The following SENP6 variants were observed in gnomAD, a reference collection of about 807,000 sequenced individuals.
The protein encoded by SENP6 is SUMO specific peptidase 6.
A neutral mutation model predicts 134.5 loss-of-function variants in SENP6; 41 were observed. That is an observed-to-expected ratio of 0.30 (90% CI 0.24 to 0.40). The LOEUF is 0.40. Among genes scored for constraint, SENP6 ranks in the 10% least tolerant of loss-of-function variants. SENP6 has a pLI of 1.00. For synonymous variants in SENP6, 395 were observed against 429.8 expected, an observed-to-expected ratio of 0.92 and a Z score of 1.00; for missense variants, 1,248 against 1,312.5, an observed-to-expected ratio of 0.95 and a Z score of 0.76.
At chr6:75,643,883 T>A (rs948663353) in intron 6 of SENP6, among the ~76,000 whole-genome samples, 1 of 152,032 alleles carries the variant, frequency 6.6e-6, no homozygotes, top group Non-Finnish European at 1.5e-5. Flanking sequence ...TTTATAATAA[T>A]GGAAAAATTA....
intron 19 of SENP6, 63 bp from the exon 20 acceptor site, chr6:75,709,464 C>T (rs920402379): frequency 9.2e-7 from 1 of 1,085,390 alleles, no homozygotes; most frequent in African/African-American, 1.6e-5. Flanking sequence ...TTAATTTCAG[C>T]CTCATATACT....
intron 13 of SENP6, 77 bp from the exon 14 acceptor site, chr6:75,676,953 T>A: frequency 1.4e-6 from 1 of 726,006 alleles, no homozygotes; most frequent in African/African-American, 1.8e-5. Flanking sequence ...CTGGAAAGAA[T>A]TAATAATTAC....
intron 18 of SENP6, chr6:75,697,751 C>T (rs1774753831): frequency 2.6e-6 from 1 of 383,978 alleles, no homozygotes; most frequent in Admixed American, 4.1e-5. Flanking sequence ...TCATTTTATT[C>T]ATTAATGTCA....
intron 8 of SENP6, among the ~76,000 whole-genome samples, chr6:75,662,711 T>C (rs1771881612): frequency 6.6e-6 from 1 of 152,210 alleles, no homozygotes; most frequent in African/African-American, 2.4e-5. Flanking sequence ...AACATACTTC[T>C]GTTCATATTT....
intron 1 of SENP6, among the ~76,000 whole-genome samples, chr6:75,606,802 A>T (rs1767063246): frequency 6.6e-6 from 1 of 152,192 alleles, no homozygotes; most frequent in South Asian, 2.1e-4. Flanking sequence ...AAAATCTGAA[A>T]TCTGAAACAT....
intron 18 of SENP6, among the ~76,000 whole-genome samples, chr6:75,701,993 G>A (rs1288614776): frequency 6.6e-6 from 1 of 151,984 alleles, no homozygotes; most frequent in East Asian, 1.9e-4. Context: ...TAAAGAGAAG[G>A]CAAAGGGGAA....
At position 75,695,256 on chromosome 6, in the gene SENP6, C is replaced by G. The variant is rs943585846; in HGVS notation, c.2076-548C>G. 2.6e-5 allele frequency among the ~76,000 whole-genome samples: 4 copies of G among 152,290 alleles called. No individual in the cohort carries two copies. The East Asian group carries it at 7.7e-4, about 29-fold the overall frequency. On this transcript the variant is annotated intron_variant, in intron 16 of 23. Coordinates refer to ENST00000447266, the MANE Select transcript of SENP6 (RefSeq NM_015571.4). ...CTGGAGTGCAGTGGCTCAATTTCAG[C>G]TAACTGCATAGAATGTGTCCTTGTT...
At chr6:75,603,725 C>T (rs1766812263) in intron 1 of SENP6, among the ~76,000 whole-genome samples, 1 of 152,004 alleles carries the variant, frequency 6.6e-6, no homozygotes, top group African/African-American at 2.4e-5. Context: ...GTGCCTGGAA[C>T]ACAGTAGGTA....
Position 75,602,387 on chromosome 6 carries a change from G to A in SENP6, c.-138G>A, listed in dbSNP as rs1766689306. The A allele has an allele frequency of 1.0e-6, 1 of 990,924 alleles. No individual in the cohort carries two copies. Among genetic ancestry groups the A allele is most frequent in the Non-Finnish European group, 1.5e-6 (1 of 669,456 alleles). 61.4% of individuals were successfully genotyped at this position (990,924 alleles called of 1,614,324 possible). A position where few individuals can be genotyped will look rare whatever the true frequency, so the allele number is the denominator to read the frequency against. On this transcript the variant is annotated 5_prime_UTR_variant, in exon 1 of 24. Coordinates refer to ENST00000447266, the MANE Select transcript of SENP6 (RefSeq NM_015571.4). ...TGTATAGGCCCGTCTGAACGTGGGAGCGCAGCCCGCCTGACGGCTGAGCCC... is the reference window on the plus strand; with the variant it reads ...TGTATAGGCCCGTCTGAACGTGGGAACGCAGCCCGCCTGACGGCTGAGCCC...
intron 18 of SENP6, among the ~76,000 whole-genome samples, chr6:75,700,059 T>C (rs1327666141): frequency 6.6e-6 from 1 of 152,062 alleles, no homozygotes; most frequent in South Asian, 2.1e-4. Flanking sequence ...TACAGGCGCA[T>C]GCCACAGGCC....
intron 16 of SENP6, among the ~76,000 whole-genome samples, chr6:75,680,021 G>A (rs970229118): frequency 6.6e-5 from 10 of 152,124 alleles, no homozygotes; most frequent in Non-Finnish European, 1.3e-4. Flanking sequence ...ATGACATCGT[G>A]GAAGTCTAGA....
In SENP6 at chr6:75,663,271, A is replaced by C; in HGVS notation, c.747A>C (p.Gly249=). 1 of 1,613,596 alleles carries C rather than the reference A, an allele frequency of 6.2e-7. No homozygotes were observed. The highest frequency in any genetic ancestry group is 1.1e-5 in the South Asian group (1 of 91,056). The change falls in exon 9 of 24, where the codon GGA becomes GGC. Residue 249 remains glycine, a synonymous_variant. Coordinates refer to ENST00000447266, the MANE Select transcript of SENP6 (RefSeq NM_015571.4). ...RQAITLNEST[G]PLLRTSIHQN... is the part of the protein sequence containing the mutation. ...CTATTACTTTGAATGAGTCTACTGG[A>C]CCATTATTAAGAACGTCAATTCATC...
At position 75,713,473 on chromosome 6, in the gene SENP6, A is replaced by G. The variant is rs183297074; in HGVS notation, c.2910-40A>G. 292 of 1,481,270 alleles carry G rather than the reference A, an allele frequency of 2.0e-4. 1 individual carries two copies. In the African/African-American group the frequency reaches 3.6e-3, roughly 18 times the overall value. The allele number at this position is 1,481,270 out of a possible 1,614,324, so 91.8% of individuals were successfully genotyped here. On this transcript the variant is annotated intron_variant, in intron 21 of 23. Transcript: ENST00000447266. ...TTTAATCCTTTTATGCATTTGTAATATTATGAAGTATTCGACTTTTGGTCA... is the reference window on the plus strand; with the variant it reads ...TTTAATCCTTTTATGCATTTGTAATGTTATGAAGTATTCGACTTTTGGTCA...
intron 18 of SENP6, among the ~76,000 whole-genome samples, chr6:75,701,558 A>G (rs1775027525): frequency 6.7e-6 from 1 of 149,578 alleles, no homozygotes; most frequent in South Asian, 2.2e-4. Context: ...AGTAAAAAGA[A>G]CAAAACTATA....
At position 75,666,807 on chromosome 6, in the gene SENP6, G is replaced by T; in HGVS notation, c.1090G>T (p.Ala364Ser). The stretch of plus-strand genomic sequence containing the variant: ...TGCTGATTCAGCATGTTCTTCCCCT[G>T]CACCATCCACTGGAAAAGTAGAAGC... ...QPADSACSSP[A>S]PSTGKVEAAL... The change falls in exon 10 of 24, where the codon GCA (alanine) becomes TCA (serine). Residue 364 changes from alanine to serine, a missense_variant. Around this residue, in one of 3 missense-constraint regions of SENP6, gnomAD observed 733 missense variants for 725.4 expected, o/e 1.01. Transcript: ENST00000447266. 6.2e-7 allele frequency: 1 copy of T among 1,613,688 alleles called. No individual in the cohort carries two copies.
intron 3 of SENP6, among the ~76,000 whole-genome samples, chr6:75,625,857 A>C (rs1768647864): frequency 6.6e-6 from 1 of 152,236 alleles, no homozygotes; most frequent in Non-Finnish European, 1.5e-5. Context: ...TGACAGAGCG[A>C]GACTCAGTCT....
intron 1 of SENP6, among the ~76,000 whole-genome samples, chr6:75,613,600 A>G (rs1195112403): frequency 6.6e-6 from 1 of 152,232 alleles, no homozygotes; most frequent in Non-Finnish European, 1.5e-5. Flanking sequence ...GGATGTATAA[A>G]TAAGCGATTA....
At chr6:75,607,787 A>G (rs996881454) in intron 1 of SENP6, among the ~76,000 whole-genome samples, 14 of 152,330 alleles carry the variant, frequency 9.2e-5, no homozygotes, top group Non-Finnish European at 2.1e-4. Flanking sequence ...CTCCAAATGA[A>G]AAGTGTTTTC....
chr6:75,614,619 C>T (rs552651394), intron 1 of SENP6, among the ~76,000 whole-genome samples: 8 of 152,232 alleles, frequency 5.3e-5, no homozygotes, highest in African/African-American at 1.9e-4. Flanking sequence ...ACTTTGAAAC[C>T]TGTAAATAAC....
Sources: gnomAD v4.1 joint callset for allele counts (sites outside exome capture counted in the v4.1 genomes callset) on GRCh38, gnomAD v4.1.1 for gene constraint, gnomAD v4.1.1 regional missense constraint, MANE v1.5 for transcripts, NCBI Gene and HGNC (gene_info 2026-07-23, HGNC 2026-07-21) for gene names.